The following PDE8B variants were observed in gnomAD, a reference collection of about 807,000 sequenced individuals.
PDE8B encodes phosphodiesterase 8B.
A neutral mutation model predicts 101.3 loss-of-function variants in PDE8B; 26 were observed. The observed-to-expected ratio is 0.26, with a 90% confidence interval of 0.19 to 0.36. PDE8B has a LOEUF of 0.36. Among genes scored for constraint, PDE8B ranks in the 10% least tolerant of loss-of-function variants. The pLI is 1.00. For missense variants in PDE8B, 810 were observed against 1,163.1 expected, an observed-to-expected ratio of 0.70 and a Z score of 4.42; for synonymous variants, 424 against 429.3, an observed-to-expected ratio of 0.99 and a Z score of 0.15.
At position 77,269,337 on chromosome 5, in the gene PDE8B, A is replaced by G. The variant is rs1762333734; in HGVS notation, c.340-42657A>G. Among the ~76,000 whole-genome samples, 5 of 152,136 alleles carry G rather than the reference A, an allele frequency of 3.3e-5. No individual in the cohort carries two copies. The South Asian group carries it at 1.0e-3, about 32-fold the overall frequency. On this transcript the variant is annotated intron_variant, in intron 1 of 21. Coordinates refer to ENST00000264917, the MANE Select transcript of PDE8B (RefSeq NM_003719.5). ...TAAATGGGATTATTAGATTTTTCCT[A>G]TAGAGTTGTTTGAGCTCCTTATATA...
the PDE8B span, among the ~76,000 whole-genome samples, chr5:77,099,418 A>G: frequency 1.3e-5 from 2 of 152,204 alleles, no homozygotes; most frequent in Non-Finnish European, 2.9e-5. Flanking sequence ...AGCAGGAAGT[A>G]ATAAACAAGA....
rs1289033844 is a variant in PDE8B, at chr5:77,325,733, C to G, written c.590+4C>G. On this transcript the variant is annotated splice_donor_region_variant and intron_variant, in intron 3 of 21. Transcript: ENST00000264917. The stretch of plus-strand genomic sequence containing the variant: ...TCGATGCAGAAGCAGTGTGCAGGTA[C>G]CTTCTCTAATTTAATATGCTTAGTA... The G allele has an allele frequency of 1.9e-6, 3 of 1,594,260 alleles. No individual in the cohort carries two copies. The South Asian group carries it at 3.3e-5, about 18-fold the overall frequency.
rs1030489220 is a variant in PDE8B at position 77,426,680 on chromosome 5, G to T, written c.*126G>T. 1.4e-6 allele frequency: 1 copy of T among 697,674 alleles called. No homozygotes were observed. The highest frequency in any genetic ancestry group is 1.6e-5 in the South Asian group (1 of 63,428). 43.2% of individuals were successfully genotyped at this position (697,674 alleles called of 1,614,324 possible). ...GTGAAGGAGCTAATGTTTAATATTT[G>T]ACCTTGAATCATTCAAGTCCCCAAA... On this transcript the variant is annotated 3_prime_UTR_variant, in exon 22 of 22. Coordinates refer to ENST00000264917, the MANE Select transcript of PDE8B (RefSeq NM_003719.5).
the PDE8B span, chr5:77,151,230 G>C: frequency 6.6e-6 from 1 of 152,350 alleles, no homozygotes; most frequent in Non-Finnish European, 1.5e-5. Context: ...TCAGCTAGCT[G>C]AAAGCAGAGA....
Position 77,386,865 on chromosome 5 carries a change from C to CTTTTTTTTTTTTTTTTTTTTTT in PDE8B, c.1168-13375_1168-13354dup, listed in dbSNP as rs59393259. Among the ~76,000 whole-genome samples the CTTTTTTTTTTTTTTTTTTTTTT allele has an allele frequency of 9.8e-5, 5 of 51,080 alleles. 2 individuals carry two copies. The highest frequency in any genetic ancestry group is 7.9e-4 in the East Asian group (1 of 1,260). 33.5% of individuals were successfully genotyped at this position (51,080 alleles called of 152,430 possible). A position where few individuals can be genotyped will look rare whatever the true frequency, so the allele number is the denominator to read the frequency against. On this transcript the variant is annotated intron_variant, in intron 10 of 21. Coordinates refer to ENST00000264917, the MANE Select transcript of PDE8B (RefSeq NM_003719.5). ...TTTTGCCTGTTAGTTGATGTAGTTT[C>CTTTTTTTTTTTTTTTTTTTTTT]TTTTTTTTTTTTTTTTTTTTTTTTT...
chr5:77,109,939 T>G, the PDE8B span, among the ~76,000 whole-genome samples: 6 of 114,964 alleles, frequency 5.2e-5, 1 homozygote, highest in African/African-American at 2.3e-4. Context: ...TTTTTTTTTT[T>G]TTTTTTTTTT....
At chr5:77,426,204 CA>C (rs1798094079) in intron 21 of PDE8B, 1 of 596,444 alleles carries the variant, frequency 1.7e-6, no homozygotes, top group African/African-American at 1.9e-5. Context: ...AGAAAGAATG[CA>C]AAATGTATTT....
In PDE8B at chr5:77,378,046, A is replaced by ACACC. The variant is rs1554093111; in HGVS notation, c.1168-22200_1168-22197dup. 9.1e-3 allele frequency among the ~76,000 whole-genome samples: 902 copies of ACACC among 99,558 alleles called. 4 individuals are homozygous for ACACC. The highest frequency in any genetic ancestry group is 0.016 in the Non-Finnish European group (614 of 37,736). 65.3% of individuals were successfully genotyped at this position (99,558 alleles called of 152,430 possible). On this transcript the variant is annotated intron_variant, in intron 10 of 21. Coordinates refer to ENST00000264917, the MANE Select transcript of PDE8B (RefSeq NM_003719.5). ...CACACACACACACACACACACACAC[A>ACACC]CACCCCCTGTTGGTTCTTTGTCTAG...
chr5:77,313,072 A>G (rs1338078962), intron 2 of PDE8B, among the ~76,000 whole-genome samples: 1 of 152,248 alleles, frequency 6.6e-6, no homozygotes, highest in Non-Finnish European at 1.5e-5. Context: ...TTAGGCCTAA[A>G]TAAGTTAACT....
At chr5:77,108,212 G>A in the PDE8B span, among the ~76,000 whole-genome samples, 2 of 152,070 alleles carry the variant, frequency 1.3e-5, no homozygotes, top group Non-Finnish European at 2.9e-5. Flanking sequence ...GAAACTGTGA[G>A]GTATAATATT....
At chr5:77,181,701 C>T in the PDE8B span, among the ~76,000 whole-genome samples, 3 of 152,272 alleles carry the variant, frequency 2.0e-5, no homozygotes, top group East Asian at 5.8e-4. Flanking sequence ...CTTCCATGGA[C>T]GGTCGGTCGG....
At chr5:77,336,196 C>CT (rs1014411621) in intron 5 of PDE8B, among the ~76,000 whole-genome samples, 5 of 151,774 alleles carry the variant, frequency 3.3e-5, no homozygotes, top group South Asian at 4.2e-4. Flanking sequence ...ACATGAAAGC[C>CT]TTTTTTTTCA....
At chr5:77,424,108 G>A (rs1452023120) in intron 20 of PDE8B, among the ~76,000 whole-genome samples, 2 of 152,126 alleles carry the variant, frequency 1.3e-5, no homozygotes, top group Non-Finnish European at 2.9e-5. Flanking sequence ...GGAAGGGAGT[G>A]AGGATCAAAT....
intron 1 of PDE8B, among the ~76,000 whole-genome samples, chr5:77,308,169 A>G (rs532560078): frequency 2.4e-4 from 37 of 152,324 alleles, no homozygotes; most frequent in South Asian, 2.1e-4. Context: ...GCCAGCCCTC[A>G]GAGTCAGCAA....
At chr5:77,109,155 C>T in the PDE8B span, among the ~76,000 whole-genome samples, 2 of 152,218 alleles carry the variant, frequency 1.3e-5, no homozygotes, top group African/African-American at 4.8e-5. Context: ...AAAGTTCTAT[C>T]AGAAAACCCT....
intron 1 of PDE8B, among the ~76,000 whole-genome samples, chr5:77,274,217 T>G (rs1763374418): frequency 6.6e-6 from 1 of 152,144 alleles, no homozygotes. Context: ...TTATCTCAAT[T>G]AATCCTCAAA....
Position 77,210,821 on chromosome 5 carries a change from G to C in PDE8B, c.-105G>C, listed in dbSNP as rs1748107036. ...GGACACACAGGCCGGGGGGCGCGCA[G>C]TCCGGGCGCCGCCGCGGCCGCCCCC... is the stretch of plus-strand genomic sequence containing the variant. On this transcript the variant is annotated 5_prime_UTR_variant, in exon 1 of 22. Coordinates refer to ENST00000264917, the MANE Select transcript of PDE8B (RefSeq NM_003719.5). This position sits in a 1 kb window ranked among gnomAD's most constrained non-coding sequence, Gnocchi z 4.9. 2 of 987,698 alleles carry C rather than the reference G, an allele frequency of 2.0e-6. No homozygotes were observed. The highest frequency in any genetic ancestry group is 9.3e-5 in the South Asian group (2 of 21,466). 61.2% of individuals were successfully genotyped at this position (987,698 alleles called of 1,614,324 possible). A position where few individuals can be genotyped will look rare whatever the true frequency, so the allele number is the denominator to read the frequency against.
chr5:77,356,426 CTTGTT>C (rs979215094), intron 10 of PDE8B, among the ~76,000 whole-genome samples: 1 of 151,950 alleles, frequency 6.6e-6, no homozygotes, highest in Non-Finnish European at 1.5e-5. Context: ...GCTCTTGTGT[CTTGTT>C]TTGTTTTGTT....
At chr5:77,150,796 G>C in the PDE8B span, among the ~76,000 whole-genome samples, 7,586 of 152,152 alleles carry the variant, frequency 0.05, 263 homozygotes, top group Middle Eastern at 0.11. Flanking sequence ...CAGCAACCCA[G>C]AGGCAATGAG....
Sources: gnomAD v4.1 joint callset for allele counts (sites outside exome capture counted in the v4.1 genomes callset) on GRCh38, gnomAD v4.1.1 for gene constraint, Gnocchi (gnomAD v3.1) non-coding constraint, MANE v1.5 for transcripts, NCBI Gene and HGNC (gene_info 2026-07-23, HGNC 2026-07-21) for gene names.